DHRSX: variants seen among roughly 807,000 people sequenced by gnomAD.
DHRSX encodes polyprenol dehydrogenase.
DHRSX carries 31 observed loss-of-function variants against 34.0 expected under a neutral mutation model. The ratio of observed to expected loss-of-function variants is 0.91; its 90% CI spans 0.69 to 1.23. The LOEUF (loss-of-function observed/expected upper bound fraction) is 1.23. Ranked by LOEUF, DHRSX falls within the 50% of genes most tolerant of loss-of-function variation. The pLI, the probability that DHRSX is intolerant of heterozygous loss-of-function variation, is 0.00. For missense variants in DHRSX, 414 were observed against 428.1 expected, an observed-to-expected ratio of 0.97 and a Z score of 0.29; for synonymous variants, 201 against 183.8, an observed-to-expected ratio of 1.09 and a Z score of -0.76.
At chrX:2,271,312 G>A (rs947894856) in intron 4 of DHRSX, among the ~76,000 whole-genome samples, 4 of 152,166 alleles carry the variant, frequency 2.6e-5, no homozygotes, top group South Asian at 2.1e-4. Flanking sequence ...TGAAGTCAGC[G>A]AGACCAAGAA....
At chrX:2,227,587 GA>G (rs1340056305) in intron 6 of DHRSX, among the ~76,000 whole-genome samples, 2 of 94,246 alleles carry the variant, frequency 2.1e-5, no homozygotes, top group Non-Finnish European at 4.1e-5. Context: ...AGGGAAGGAT[GA>G]AAAAAGAAAA....
chrX:2,422,138 T>C, intron 2 of DHRSX, among the ~76,000 whole-genome samples: 1 of 152,286 alleles, frequency 6.6e-6, no homozygotes, highest in East Asian at 1.9e-4. Flanking sequence ...TGAGACAAAT[T>C]CATGTTGAAA....
At chrX:2,247,305 A>G (rs1475165208) in intron 5 of DHRSX, among the ~76,000 whole-genome samples, 1 of 151,564 alleles carries the variant, frequency 6.6e-6, no homozygotes, top group African/African-American at 2.4e-5. Context: ...TATACACTAT[A>G]TTTTGCAGAT....
rs768902361 is a variant in DHRSX at position 2,225,173 on chromosome X, C to T, written c.805-3944G>A. On this transcript the variant is annotated intron_variant, in intron 6 of 6. Transcript: ENST00000334651. Reference sequence around the variant, plus strand: ...ACACACATTCACATGCACTCACACACGCACACAGCTCACACATGCACACAT... The same window carrying T: ...ACACACATTCACATGCACTCACACATGCACACAGCTCACACATGCACACAT... Among the ~76,000 whole-genome samples, 464 of 148,506 alleles carry T rather than the reference C, an allele frequency of 3.1e-3. 2 individuals carry two copies. Among genetic ancestry groups the T allele is most frequent in the Non-Finnish European group, 5.8e-3 (391 of 67,226 alleles).
chrX:2,350,005 C>A (rs1308891176), intron 3 of DHRSX, among the ~76,000 whole-genome samples: 1 of 151,492 alleles, frequency 6.6e-6, no homozygotes, highest in Non-Finnish European at 1.5e-5. Flanking sequence ...CGCCACTGCA[C>A]TCCAGCCTGG....
chrX:2,451,805 ATGAAC>A (rs1203190484), intron 1 of DHRSX, among the ~76,000 whole-genome samples: 3 of 152,210 alleles, frequency 2.0e-5, no homozygotes, highest in African/African-American at 4.8e-5. Context: ...GCCACTGTGT[ATGAAC>A]TGAAAAGGTT....
intron 3 of DHRSX, among the ~76,000 whole-genome samples, chrX:2,345,995 G>C (rs1419251573): frequency 5.9e-5 from 9 of 152,148 alleles, no homozygotes. Context: ...CAGACACACA[G>C]TTCCCTGGTT....
chrX:2,236,493 G>A (rs551707657), intron 6 of DHRSX, among the ~76,000 whole-genome samples: 51 of 152,122 alleles, frequency 3.4e-4, no homozygotes, highest in African/African-American at 1.1e-3. Flanking sequence ...GTGCAGTGGC[G>A]CGATCTCGGC....
intron 4 of DHRSX, among the ~76,000 whole-genome samples, chrX:2,284,365 C>CGAATTCTTTCATTCATTCAA (rs2041778039): frequency 3.3e-5 from 5 of 151,896 alleles, no homozygotes; most frequent in South Asian, 2.1e-4. Flanking sequence ...TTCATTCATT[C>CGAATTCTTTCATTCATTCAA]ATTCACTCAT....
In DHRSX at chrX:2,429,108, C is replaced by A. The variant is rs146375130; in HGVS notation, c.110-3804G>T. ...CATATGCTTAGGTTTTCTGGTGTAT[C>A]CCTCGTAACCTGAAGATAGAACCTG... On this transcript the variant is annotated intron_variant, in intron 1 of 6. Transcript: ENST00000334651. Among the ~76,000 whole-genome samples, 701 of 152,170 alleles carry A rather than the reference C, an allele frequency of 4.6e-3. 3 individuals carry two copies. Among genetic ancestry groups the A allele is most frequent in the African/African-American group, 0.016 (644 of 41,496 alleles).
At chrX:2,225,720 G>A (rs1434292557) in intron 6 of DHRSX, among the ~76,000 whole-genome samples, 1 of 149,144 alleles carries the variant, frequency 6.7e-6, no homozygotes, top group Non-Finnish European at 1.5e-5. Flanking sequence ...CACACACAGA[G>A]GGACAACCCT....
At chrX:2,324,095 G>A (rs1305590910) in intron 3 of DHRSX, among the ~76,000 whole-genome samples, 3 of 151,468 alleles carry the variant, frequency 2.0e-5, no homozygotes, top group Non-Finnish European at 4.4e-5. Context: ...AAAGTTTTAC[G>A]ATGACTCTGC....
intron 3 of DHRSX, among the ~76,000 whole-genome samples, chrX:2,382,768 TCATCAC>T (rs1307517034): frequency 2.8e-5 from 3 of 107,888 alleles, no homozygotes; most frequent in Admixed American, 1.9e-4. Flanking sequence ...ATCATCATCA[TCATCAC>T]CATCACCATC....
chrX:2,341,014 G>A (rs1193216357), intron 3 of DHRSX, among the ~76,000 whole-genome samples: 1 of 152,058 alleles, frequency 6.6e-6, no homozygotes, highest in African/African-American at 2.4e-5. Context: ...AATGCTGCAC[G>A]GGTGGCAGGT....
intron 6 of DHRSX, among the ~76,000 whole-genome samples, chrX:2,227,291 G>A (rs187010948): frequency 2.0e-5 from 3 of 151,906 alleles, no homozygotes; most frequent in Non-Finnish European, 4.4e-5. Flanking sequence ...GAGTGAAAGG[G>A]AAGGAGAAAG....
intron 6 of DHRSX, among the ~76,000 whole-genome samples, chrX:2,222,226 G>C (rs1016272135): frequency 1.1e-4 from 16 of 152,206 alleles, no homozygotes; most frequent in Non-Finnish European, 2.2e-4. Context: ...TAAGACATTT[G>C]ATGTCCAGAG....
intron 3 of DHRSX, among the ~76,000 whole-genome samples, chrX:2,382,609 C>T (rs1429875615): frequency 1.8e-5 from 1 of 55,568 alleles, no homozygotes; most frequent in East Asian, 4.2e-4. Flanking sequence ...ATCACCATCA[C>T]CATCATCACC....
chrX:2,338,944 A>C (rs2124560017), intron 3 of DHRSX, among the ~76,000 whole-genome samples: 1 of 150,798 alleles, frequency 6.6e-6, no homozygotes, highest in South Asian at 2.1e-4. Flanking sequence ...CCTACTTCCC[A>C]CTCCCCATAT....
intron 1 of DHRSX, among the ~76,000 whole-genome samples, chrX:2,445,434 A>G (rs1446610799): frequency 6.7e-6 from 1 of 149,222 alleles, no homozygotes; most frequent in Non-Finnish European, 1.5e-5. Context: ...ATCAATCAAG[A>G]AAAAAAAAAG....
Sources: allele counts gnomAD v4.1 joint callset (sites outside exome capture counted in the v4.1 genomes callset), GRCh38; gene constraint gnomAD v4.1.1; transcripts MANE v1.5; gene names NCBI Gene and HGNC (gene_info 2026-07-23, HGNC 2026-07-21).